CARS1: variants seen among roughly 807,000 people sequenced by gnomAD.
CARS1 encodes the protein cysteinyl-tRNA synthetase 1.
Under a neutral mutation model 106.2 loss-of-function variants are expected in CARS1, and 48 were observed. That is an observed-to-expected ratio of 0.45 (90% CI 0.36 to 0.57). The LOEUF (loss-of-function observed/expected upper bound fraction) is 0.57. Ranked by LOEUF, CARS1 falls within the 20% of genes least tolerant of loss-of-function variation. The probability of loss-of-function intolerance (pLI) is 0.00; values close to 1 mark genes in which losing one functional copy is unlikely to be tolerated. For synonymous variants in CARS1, 409 were observed against 403.4 expected (o/e 1.01, Z -0.17); for missense variants, 968 against 1,057.2 (o/e 0.92, Z 1.17).
intron 18 of CARS1, among the ~76,000 whole-genome samples, chr11:3,010,198 G>T (rs935531975): frequency 6.6e-6 from 1 of 152,252 alleles, no homozygotes; most frequent in Non-Finnish European, 1.5e-5. Flanking sequence ...GCCACCGAGC[G>T]GGAGCTTGTG....
chr11:3,036,751 T>C (rs746023067), intron 7 of CARS1, among the ~76,000 whole-genome samples: 2 of 152,128 alleles, frequency 1.3e-5, no homozygotes, highest in Non-Finnish European at 2.9e-5. Context: ...TACTTGCATC[T>C]CCAAAAGGTG....
chr11:3,051,859 G>A (rs567236521), intron 1 of CARS1, among the ~76,000 whole-genome samples: 3 of 152,284 alleles, frequency 2.0e-5, no homozygotes, highest in South Asian at 4.1e-4. Context: ...GACAGCAAGA[G>A]GGAAGAAGAG....
At chr11:3,007,100 G>A (rs895700479) in intron 18 of CARS1, 141 bp from the exon 19 acceptor site, 22 of 677,992 alleles carry the variant, frequency 3.2e-5, no homozygotes, top group South Asian at 1.5e-4. Flanking sequence ...GAGGGGCCCC[G>A]GCCCACAGAA....
chr11:3,018,369 G>A (rs2134145859), intron 14 of CARS1, 39 bp downstream of exon 14: 1 of 1,401,088 alleles, frequency 7.1e-7, no homozygotes, highest in East Asian at 2.3e-5. Context: ...TGCAGGGGAG[G>A]CTGCTCCACC....
In CARS1 at chr11:3,041,639, G is replaced by A. The variant is rs191659798; in HGVS notation, c.366+526C>T. Among the ~76,000 whole-genome samples, 10 of 152,184 alleles carry A rather than the reference G, an allele frequency of 6.6e-5. No homozygotes were observed. The highest frequency in any genetic ancestry group is 3.9e-4 in the East Asian group (2 of 5,166). On this transcript the variant is annotated intron_variant, in intron 3 of 22. Coordinates refer to ENST00000380525, the MANE Select transcript of CARS1 (RefSeq NM_001014437.3). The surrounding 1 kb of genome is among the most constrained non-coding windows in gnomAD (Gnocchi z 4.9). ...CCCTGATGGAAATCCAAGCAGCCCCGCCCAGAGCCTGGTCTGAAATCACTG... is the reference window on the plus strand; with the variant it reads ...CCCTGATGGAAATCCAAGCAGCCCCACCCAGAGCCTGGTCTGAAATCACTG...
At chr11:3,036,785 C>T (rs1853696322) in intron 7 of CARS1, among the ~76,000 whole-genome samples, 1 of 152,184 alleles carries the variant, frequency 6.6e-6, no homozygotes, top group South Asian at 2.1e-4. Context: ...TGTCCACGGG[C>T]AGGTGAAAGG....
In CARS1 at chr11:3,015,682, T is replaced by C. The variant is rs1052828179; in HGVS notation, c.1986+99A>G. On this transcript the variant is annotated intron_variant, in intron 17 of 22. Coordinates refer to ENST00000380525, the MANE Select transcript of CARS1 (RefSeq NM_001014437.3). ...AGGCGCTGTCCGGAAGGGTCTGGTG[T>C]GGGTGGGCAGACAGAGGAGGGGCAG... is the stretch of plus-strand genomic sequence containing the variant. The C allele has an allele frequency of 5.8e-6, 6 of 1,028,880 alleles. No individual in the cohort carries two copies. The African/African-American group carries it at 7.9e-5, about 13-fold the overall frequency. The allele number at this position is 1,028,880 out of a possible 1,614,324, so 63.7% of individuals were successfully genotyped here.
rs980676151 is a variant in CARS1 at position 3,041,441 on chromosome 11, C to G, written c.367-457G>C. ...GACAACACTTGGCCAGGGTCAGTCC[C>G]TGTTGGGGGAGCGCGGCTTGGAGGC... On this transcript the variant is annotated intron_variant, in intron 3 of 22. Transcript: ENST00000380525. The surrounding 1 kb of genome is among the most constrained non-coding windows in gnomAD (Gnocchi z 4.9). 6.6e-6 allele frequency among the ~76,000 whole-genome samples: 1 copy of G among 152,128 alleles called. No individual in the cohort carries two copies. The highest frequency in any genetic ancestry group is 1.5e-5 in the Non-Finnish European group (1 of 68,020).
At chr11:3,012,365 C>G (rs1176936758) in intron 17 of CARS1, 89 bp from the exon 18 acceptor site, 2 of 1,122,156 alleles carry the variant, frequency 1.8e-6, no homozygotes, top group Non-Finnish European at 2.7e-6. Flanking sequence ...CGACACAGGG[C>G]AGGGACTGGC....
Position 3,017,142 on chromosome 11 carries a change from C to A in CARS1, c.1881G>T (p.Leu627=). The A allele has an allele frequency of 6.2e-7, 1 of 1,614,128 alleles. No individual in the cohort carries two copies. The highest frequency in any genetic ancestry group is 2.2e-5 in the East Asian group (1 of 44,882). ...AVRKRPNQAL[L]ENIALYLTHM... is the part of the protein sequence containing the mutation. ...GGGTGAGGTACAGGGCGATGTTCTCCAGCAGAGCCTGGTTGGGCCTCTTCC... is the reference window on the plus strand; with the variant it reads ...GGGTGAGGTACAGGGCGATGTTCTCAAGCAGAGCCTGGTTGGGCCTCTTCC... Residue 627 remains leucine (L), a synonymous_variant, in exon 16 of 23, where the codon CTG becomes CTT. Transcript: ENST00000380525. The surrounding 1 kb of genome is among the most constrained non-coding windows in gnomAD (Gnocchi z 4.9).
intron 1 of CARS1, among the ~76,000 whole-genome samples, chr11:3,051,111 T>G (rs138968409): frequency 0.014 from 2,189 of 152,354 alleles, 43 homozygotes; most frequent in African/African-American, 0.05. Flanking sequence ...GAAAGACACC[T>G]GCACAAGGAC....
Position 3,029,063 on chromosome 11 carries a change from T to C in CARS1, c.964A>G (p.Thr322Ala), listed in dbSNP as rs1377546896. ...TCTGGCACATACTCACTAACCCGGG[T>C]TAAGACATCTGGAGGGAGAACCTGT... ...ALNVLPPDVL[T>A]RVSEYVPEIV... is the part of the protein sequence containing the mutation. The change falls in exon 9 of 23, where the codon ACC (threonine) becomes GCC (alanine). Residue 322 changes from threonine to alanine, a missense_variant. Physicochemically the swap from Thr to Ala is moderately conservative, Grantham distance 58. Transcript: ENST00000380525. The surrounding 1 kb of genome is among the most constrained non-coding windows in gnomAD (Gnocchi z 5.9). The C allele has an allele frequency of 1.2e-6, 2 of 1,611,728 alleles. No homozygotes were observed. The highest frequency in any genetic ancestry group is 1.3e-5 in the African/African-American group (1 of 74,970).
Position 3,019,509 on chromosome 11 carries a change from C to T in CARS1, c.1267-242G>A, listed in dbSNP as rs567497747. 1.3e-5 allele frequency among the ~76,000 whole-genome samples: 2 copies of T among 152,244 alleles called. No homozygotes were observed. The highest frequency in any genetic ancestry group is 4.1e-4 in the South Asian group (2 of 4,820). On this transcript the variant is annotated intron_variant, in intron 11 of 22. Coordinates refer to ENST00000380525, the MANE Select transcript of CARS1 (RefSeq NM_001014437.3). This position sits in a 1 kb window ranked among gnomAD's most constrained non-coding sequence, Gnocchi z 6.2. Reference sequence around the variant, plus strand: ...AGGAGTTCAAGACCAGCCTGGCCAACATGGTGAAACCCCGTCTCTACTAAA... The same window carrying T: ...AGGAGTTCAAGACCAGCCTGGCCAATATGGTGAAACCCCGTCTCTACTAAA...
rs1203064091 is a variant in CARS1, at chr11:3,045,299, C to T, written c.274+2454G>A. Among the ~76,000 whole-genome samples, 1 of 152,102 alleles carries T rather than the reference C, an allele frequency of 6.6e-6. No homozygotes were observed. The highest frequency in any genetic ancestry group is 1.5e-5 in the Non-Finnish European group (1 of 68,032). On this transcript the variant is annotated intron_variant, in intron 2 of 22. Coordinates refer to ENST00000380525, the MANE Select transcript of CARS1 (RefSeq NM_001014437.3). The surrounding 1 kb of genome is among the most constrained non-coding windows in gnomAD (Gnocchi z 5.6). Reference sequence around the variant, plus strand: ...CCCCACCCCGAGACGGAGTCTCGCTCTGTCACCTAGGCTGGAGTACAGTGG... The same window carrying T: ...CCCCACCCCGAGACGGAGTCTCGCTTTGTCACCTAGGCTGGAGTACAGTGG...
Position 3,028,921 on chromosome 11 carries a change from G to C in CARS1, c.1031+75C>G, listed in dbSNP as rs909419336. The C allele has an allele frequency of 4.9e-6, 5 of 1,015,030 alleles. No homozygotes were observed. Among genetic ancestry groups the C allele is most frequent in the Non-Finnish European group, 7.8e-6 (5 of 644,478 alleles). The allele number at this position is 1,015,030 out of a possible 1,614,324, so 62.9% of individuals were successfully genotyped here. ...CTGCTCCTCTGCTTCCCAAACTCAG[G>C]CTCAGAGCTGGGGAGCTCCTCCCTG... On this transcript the variant is annotated intron_variant, in intron 9 of 22. Transcript: ENST00000380525. The surrounding 1 kb of genome is among the most constrained non-coding windows in gnomAD (Gnocchi z 4.4).
Position 3,029,555 on chromosome 11 carries a change from A to T in CARS1, c.802-112T>A. ...CCTGAATTCAAAGGTGCTGACCTTG[A>T]CCTGTGAAGAGCCACCGTCTCCTAG... On this transcript the variant is annotated intron_variant, in intron 7 of 22. Transcript: ENST00000380525. The surrounding 1 kb of genome is among the most constrained non-coding windows in gnomAD (Gnocchi z 5.9). 1 of 1,196,838 alleles carries T rather than the reference A, an allele frequency of 8.4e-7. No homozygotes were observed. Among genetic ancestry groups the T allele is most frequent in the Non-Finnish European group, 1.2e-6 (1 of 854,914 alleles). The allele number at this position is 1,196,838 out of a possible 1,614,324, so 74.1% of individuals were successfully genotyped here. A position where few individuals can be genotyped will look rare whatever the true frequency, so the allele number is the denominator to read the frequency against.
chr11:3,050,074 C>T lies in CARS1; in HGVS notation c.26-2073G>A, dbSNP rs367673333. Among the ~76,000 whole-genome samples the T allele has an allele frequency of 1.3e-5, 2 of 152,198 alleles. No individual in the cohort carries two copies. The highest frequency in any genetic ancestry group is 2.9e-5 in the Non-Finnish European group (2 of 68,032). Reference sequence around the variant, plus strand: ...ACCCGCCAGGGAGCCTACGGAGCCACGTGATGCCCCAAGGCCCAGCCTCCG... The same window carrying T: ...ACCCGCCAGGGAGCCTACGGAGCCATGTGATGCCCCAAGGCCCAGCCTCCG... On this transcript the variant is annotated intron_variant, in intron 1 of 22. Transcript: ENST00000380525. The surrounding 1 kb of genome is among the most constrained non-coding windows in gnomAD (Gnocchi z 6.3).
At position 3,029,543 on chromosome 11, in the gene CARS1, G is replaced by C; in HGVS notation, c.802-100C>G. 1 of 1,368,642 alleles carries C rather than the reference G, an allele frequency of 7.3e-7. No individual in the cohort carries two copies. The highest frequency in any genetic ancestry group is 1.3e-5 in the South Asian group (1 of 77,104). 84.8% of individuals were successfully genotyped at this position (1,368,642 alleles called of 1,614,324 possible). A position where few individuals can be genotyped will look rare whatever the true frequency, so the allele number is the denominator to read the frequency against. ...GCCCATCAGTGCCCTGAATTCAAAG[G>C]TGCTGACCTTGACCTGTGAAGAGCC... On this transcript the variant is annotated intron_variant, in intron 7 of 22. Coordinates refer to ENST00000380525, the MANE Select transcript of CARS1 (RefSeq NM_001014437.3). This position sits in a 1 kb window ranked among gnomAD's most constrained non-coding sequence, Gnocchi z 5.9.
At chr11:3,026,908 C>T in intron 9 of CARS1, 111 bp from the exon 10 acceptor site, 1 of 1,239,262 alleles carries the variant, frequency 8.1e-7, no homozygotes, top group Non-Finnish European at 1.1e-6. Context: ...AATCTGTGGC[C>T]TATCTACTCT....
Sources: allele counts gnomAD v4.1 joint callset (sites outside exome capture counted in the v4.1 genomes callset), GRCh38; gene constraint gnomAD v4.1.1; non-coding constraint Gnocchi (gnomAD v3.1); transcripts MANE v1.5; gene names NCBI Gene and HGNC (gene_info 2026-07-23, HGNC 2026-07-21).